ZNF341: variants seen among roughly 807,000 people sequenced by gnomAD.
The protein encoded by ZNF341 is zinc finger protein 341.
A neutral mutation model predicts 87.7 loss-of-function variants in ZNF341; 52 were observed. That is an observed-to-expected ratio of 0.59 (90% CI 0.47 to 0.75). The LOEUF is 0.75. Ranked by LOEUF, ZNF341 falls within the 30% of genes least tolerant of loss-of-function variation. The pLI is 0.00. For missense variants in ZNF341, 977 were observed against 1,145.9 expected, an observed-to-expected ratio of 0.85 and a Z score of 2.13; for synonymous variants, 459 against 472.7, an observed-to-expected ratio of 0.97 and a Z score of 0.38.
chr20:33,747,573 C>T (rs2018955302), intron 3 of ZNF341, among the ~76,000 whole-genome samples: 2 of 136,830 alleles, frequency 1.5e-5, no homozygotes, highest in Admixed American at 7.4e-5. Flanking sequence ...CGAGGTCCCG[C>T]CACTGCACTC....
chr20:33,746,634 A>G (rs751009541), intron 3 of ZNF341, among the ~76,000 whole-genome samples: 24 of 152,086 alleles, frequency 1.6e-4, no homozygotes, highest in Non-Finnish European at 1.5e-4. Flanking sequence ...TGGACAGAGA[A>G]TAGGTTTTGA....
chr20:33,752,895 C>T (rs765532977), intron 4 of ZNF341, among the ~76,000 whole-genome samples: 36 of 149,156 alleles, frequency 2.4e-4, no homozygotes, highest in Non-Finnish European at 3.7e-4. Flanking sequence ...GTGATCCGCC[C>T]GCCTCAGCTC....
intron 11 of ZNF341, among the ~76,000 whole-genome samples, chr20:33,782,083 C>T (rs1159269487): frequency 6.6e-6 from 1 of 152,142 alleles, no homozygotes; most frequent in African/African-American, 2.4e-5. Context: ...GTTGGGATTA[C>T]AGGTATGAGC....
chr20:33,791,575 C>G lies in ZNF341; in HGVS notation c.*58C>G. On this transcript the variant is annotated 3_prime_UTR_variant, in exon 15 of 15. Transcript: ENST00000375200. ...TGATGCTCCTGTTTGGGTCCAGGGC[C>G]CCTGGGGGCAGACCGGTGATCCTTA... 6.8e-7 allele frequency: 1 copy of G among 1,470,922 alleles called. No homozygotes were observed. Among genetic ancestry groups the G allele is most frequent in the Non-Finnish European group, 9.0e-7 (1 of 1,114,048 alleles). 91.1% of individuals were successfully genotyped at this position (1,470,922 alleles called of 1,614,324 possible).
chr20:33,791,147 G>A lies in ZNF341; in HGVS notation c.2195G>A (p.Arg732His), dbSNP rs149505635. The change falls in exon 15 of 15, where the codon CGT (arginine) becomes CAT (histidine). Residue 732 changes from arginine to histidine, a missense_variant. Around this residue, in one of 3 missense-constraint regions of ZNF341, gnomAD observed 221 missense variants for 212.7 expected, o/e 1.04. Coordinates refer to ENST00000375200, the MANE Select transcript of ZNF341 (RefSeq NM_001282933.2). The part of the protein sequence containing the change: ...RHKYLKDHRC[R>H]LGPQKDKDLQ... ...AAATACCTCAAAGATCACCGCTGTC[G>A]TCTCGGCCCCCAAAAGGACAAGGAC... is the stretch of plus-strand genomic sequence containing the variant. 6.9e-5 allele frequency: 111 copies of A among 1,613,252 alleles called. No individual in the cohort carries two copies. The highest frequency in any genetic ancestry group is 3.3e-4 in the Middle Eastern group (2 of 6,062).
chr20:33,774,598 C>T (rs776287565), intron 10 of ZNF341, among the ~76,000 whole-genome samples: 2 of 152,154 alleles, frequency 1.3e-5, no homozygotes, highest in South Asian at 4.1e-4. Context: ...CTTCCTGTAG[C>T]GCAATGTCCA....
chr20:33,748,849 C>T, intron 3 of ZNF341, 74 bp from the exon 4 acceptor site: 2 of 1,440,698 alleles, frequency 1.4e-6, no homozygotes, highest in Non-Finnish European at 1.9e-6. Flanking sequence ...TCCACACATG[C>T]ACACACGCAC....
In ZNF341 at chr20:33,740,239, A is replaced by G. The variant is rs530369358; in HGVS notation, c.32-663A>G. ...TGGTGGATTGAGTTGCTACCACCATATTCTTATTCTGGGAAGTGGAAAGGA... is the reference window on the plus strand; with the variant it reads ...TGGTGGATTGAGTTGCTACCACCATGTTCTTATTCTGGGAAGTGGAAAGGA... On this transcript the variant is annotated intron_variant, in intron 1 of 14. Coordinates refer to ENST00000375200, the MANE Select transcript of ZNF341 (RefSeq NM_001282933.2). Among the ~76,000 whole-genome samples, 46 of 152,246 alleles carry G rather than the reference A, an allele frequency of 3.0e-4. No individual in the cohort carries two copies. The South Asian group carries it at 6.2e-3, about 21-fold the overall frequency.
chr20:33,781,060 C>G (rs1329934677), intron 10 of ZNF341, among the ~76,000 whole-genome samples: 1 of 152,094 alleles, frequency 6.6e-6, no homozygotes, highest in Non-Finnish European at 1.5e-5. Context: ...GAATGGACTA[C>G]AGGAGGCAAG....
chr20:33,744,291 A>G lies in ZNF341; in HGVS notation c.143-812A>G, dbSNP rs544685109. Among the ~76,000 whole-genome samples the G allele has an allele frequency of 1.4e-3, 207 of 149,394 alleles. 1 individual carries two copies. The highest frequency in any genetic ancestry group is 3.6e-3 in the South Asian group (17 of 4,768). On this transcript the variant is annotated intron_variant, in intron 2 of 14. Transcript: ENST00000375200. ...AGAGTGAAACTCTCTCTCAGAAAGA[A>G]AAAAAAAAAAAGAAAAGAAAAGGAA...
chr20:33,773,682 C>T (rs914736849), intron 10 of ZNF341, among the ~76,000 whole-genome samples: 1 of 152,100 alleles, frequency 6.6e-6, no homozygotes, highest in Admixed American at 6.6e-5. Flanking sequence ...AGTAGGTACT[C>T]AATAAATGTT....
chr20:33,740,614 C>T (rs1289592657), intron 1 of ZNF341, among the ~76,000 whole-genome samples: 2 of 152,184 alleles, frequency 1.3e-5, no homozygotes, highest in Non-Finnish European at 2.9e-5. Flanking sequence ...AAGCAGTCCT[C>T]CCGCCTCAGC....
chr20:33,769,646 C>T (rs1344158994), intron 9 of ZNF341, among the ~76,000 whole-genome samples: 5 of 152,196 alleles, frequency 3.3e-5, no homozygotes, highest in Admixed American at 3.3e-4. Context: ...CACAGTGGCT[C>T]ATGCCTGTAA....
At chr20:33,747,614 CAAAAAAAAAAAAA>C (rs773781002) in intron 3 of ZNF341, among the ~76,000 whole-genome samples, 5 of 15,624 alleles carry the variant, frequency 3.2e-4, no homozygotes, top group Non-Finnish European at 4.9e-4. Context: ...GACTCCGTCT[CAAAAAAAAAAAAA>C]AAAAAAAAAA....
chr20:33,773,350 A>G (rs2019565246), intron 10 of ZNF341, among the ~76,000 whole-genome samples: 1 of 152,216 alleles, frequency 6.6e-6, no homozygotes, highest in African/African-American at 2.4e-5. Flanking sequence ...TTGCAGGGTC[A>G]TAGTGCCAGT....
chr20:33,767,067 CCA>C (rs773913826), intron 9 of ZNF341, 26 bp downstream of exon 9: 1 of 1,595,304 alleles, frequency 6.3e-7, no homozygotes, highest in Non-Finnish European at 8.6e-7. Context: ...CAGCAGGGGC[CCA>C]CACCACACCA....
At position 33,780,737 on chromosome 20, in the gene ZNF341, G is replaced by T. The variant is rs571837454; in HGVS notation, c.1623-554G>T. ...TTTTTTTTTTTCTTATTTAAATAGA[G>T]ACAGGTTCTCTTTCTGTTACCCAGG... On this transcript the variant is annotated intron_variant, in intron 10 of 14. Transcript: ENST00000375200. Among the ~76,000 whole-genome samples, 3 of 150,270 alleles carry T rather than the reference G, an allele frequency of 2.0e-5. No homozygotes were observed. The South Asian group carries it at 6.3e-4, about 32-fold the overall frequency.
chr20:33,776,108 T>G lies in ZNF341; in HGVS notation c.1623-5183T>G, dbSNP rs184190485. On this transcript the variant is annotated intron_variant, in intron 10 of 14. Coordinates refer to ENST00000375200, the MANE Select transcript of ZNF341 (RefSeq NM_001282933.2). Reference sequence around the variant, plus strand: ...TAATTTTTTGTTTAGAGACAGGGTCTCACTCCATCACCAAGGCTGGAAAGC... The same window carrying G: ...TAATTTTTTGTTTAGAGACAGGGTCGCACTCCATCACCAAGGCTGGAAAGC... Among the ~76,000 whole-genome samples, 358 of 152,204 alleles carry G rather than the reference T, an allele frequency of 2.4e-3. 3 individuals are homozygous for G. The highest frequency in any genetic ancestry group is 8.1e-3 in the African/African-American group (336 of 41,522).
intron 2 of ZNF341, among the ~76,000 whole-genome samples, chr20:33,743,974 G>A (rs942741569): frequency 9.9e-5 from 15 of 152,234 alleles, no homozygotes; most frequent in African/African-American, 3.1e-4. Context: ...AACTATAGCC[G>A]CTGGCTTTAG....
Sources: allele counts gnomAD v4.1 joint callset (sites outside exome capture counted in the v4.1 genomes callset), GRCh38; gene constraint gnomAD v4.1.1; regional missense constraint gnomAD v4.1.1; transcripts MANE v1.5; gene names NCBI Gene and HGNC (gene_info 2026-07-23, HGNC 2026-07-21).